CPSF3: variants seen among roughly 807,000 people sequenced by gnomAD.
The protein encoded by CPSF3 is cleavage and polyadenylation specificity factor subunit 3.
In CPSF3, 57 loss-of-function variants were observed where a neutral mutation model predicts 84.1. The ratio of observed to expected loss-of-function variants is 0.68; its 90% CI spans 0.55 to 0.85. The LOEUF is 0.85. CPSF3 is among the 40% of genes least tolerant of loss of function. The pLI, the probability that CPSF3 is intolerant of heterozygous loss-of-function variation, is 0.00. For missense variants in CPSF3, 522 were observed against 838.8 expected (o/e 0.62, Z 4.66); for synonymous variants, 275 against 278.1 (o/e 0.99, Z 0.11).
intron 11 of CPSF3, among the ~76,000 whole-genome samples, chr2:9,448,802 AC>A (rs1477856262): frequency 3.3e-5 from 5 of 151,876 alleles, no homozygotes; most frequent in African/African-American, 1.2e-4. Context: ...TGATCCACCC[AC>A]CTCCGCCTCC....
At chr2:9,451,341 A>G (rs1681322341) in intron 11 of CPSF3, among the ~76,000 whole-genome samples, 1 of 152,334 alleles carries the variant, frequency 6.6e-6, no homozygotes, top group East Asian at 1.9e-4. Flanking sequence ...GTTTATAATT[A>G]TGAGAACAAA....
intron 15 of CPSF3, among the ~76,000 whole-genome samples, chr2:9,466,308 A>C (rs1681942565): frequency 9.2e-6 from 1 of 108,154 alleles, no homozygotes; most frequent in Non-Finnish European, 2.3e-5. Flanking sequence ...ATGCACACGC[A>C]CACTGACGCA....
intron 7 of CPSF3, among the ~76,000 whole-genome samples, chr2:9,436,797 G>A (rs972398567): frequency 2.8e-5 from 2 of 70,848 alleles, no homozygotes; most frequent in African/African-American, 1.2e-4. Context: ...AATAATAATA[G>A]GGATTTGGAT....
intron 11 of CPSF3, 128 bp from the exon 12 acceptor site, chr2:9,452,785 G>A: frequency 1.6e-6 from 1 of 635,204 alleles, no homozygotes; most frequent in Non-Finnish European, 2.8e-6. Context: ...TGTTTTTCGT[G>A]GTTAAATCCA....
chr2:9,467,758 G>C lies in CPSF3; in HGVS notation c.1838G>C (p.Arg613Thr), dbSNP rs776096404. Reference protein sequence around the residue: ...KKLEMHVYSKRLEIMLQDIFG... With the variant: ...KKLEMHVYSKTLEIMLQDIFG... Reference sequence around the variant, plus strand: ...TTAGAAATGCACGTTTACAGCAAGAGGTTGGAGATCATGCTCCAGTAAGTT... The same window carrying C: ...TTAGAAATGCACGTTTACAGCAAGACGTTGGAGATCATGCTCCAGTAAGTT... The change falls in exon 16 of 18, where the codon AGG becomes ACG. Residue 613 changes from arginine (R) to threonine (T), a missense_variant. By Grantham distance (71) the Arg-to-Thr change is moderately conservative. Around this residue, in one of 2 missense-constraint regions of CPSF3, gnomAD observed 193 missense variants for 231.6 expected, o/e 0.83. Transcript: ENST00000238112. 5.0e-6 allele frequency: 8 copies of C among 1,612,864 alleles called. No individual in the cohort carries two copies. Among genetic ancestry groups the C allele is most frequent in the Non-Finnish European group, 6.8e-6 (8 of 1,179,144 alleles).
chr2:9,443,826 T>C lies in CPSF3; in HGVS notation c.1242+165T>C, dbSNP rs901403684. On this transcript the variant is annotated intron_variant, in intron 10 of 17. Coordinates refer to ENST00000238112, the MANE Select transcript of CPSF3 (RefSeq NM_016207.4). Reference sequence around the variant, plus strand: ...GGATTTGGCCTTTACAACTCCCCTTTGATTTCAGCAAGCTGCCCCCTTTCT... The same window carrying C: ...GGATTTGGCCTTTACAACTCCCCTTCGATTTCAGCAAGCTGCCCCCTTTCT... Among the ~76,000 whole-genome samples, 5 of 152,144 alleles carry C rather than the reference T, an allele frequency of 3.3e-5. No homozygotes were observed. In the South Asian group the frequency reaches 6.2e-4, roughly 19 times the overall value.
chr2:9,424,425 G>A (rs1380605471), intron 1 of CPSF3: 1 of 218,332 alleles, frequency 4.6e-6, no homozygotes, highest in Non-Finnish European at 7.8e-6. Flanking sequence ...TCCATAAGGA[G>A]AGTGGCCTTT....
intron 15 of CPSF3, among the ~76,000 whole-genome samples, chr2:9,462,166 T>A (rs185740589): frequency 6.6e-6 from 1 of 152,194 alleles, no homozygotes; most frequent in African/African-American, 2.4e-5. Flanking sequence ...CCCAGGGCTT[T>A]GGGCCACGCA....
intron 7 of CPSF3, among the ~76,000 whole-genome samples, chr2:9,438,954 A>AT (rs950806668): frequency 6.6e-6 from 1 of 152,164 alleles, no homozygotes; most frequent in Non-Finnish European, 1.5e-5. Flanking sequence ...TGGGCAAATT[A>AT]TTTAACTTTT....
intron 11 of CPSF3, 73 bp downstream of exon 11, chr2:9,448,423 A>T: frequency 8.3e-7 from 1 of 1,207,396 alleles, no homozygotes; most frequent in South Asian, 1.8e-5. Flanking sequence ...TTAAGAAAAT[A>T]GATCTTTAGT....
chr2:9,442,367 A>G (rs1015568635), intron 9 of CPSF3, among the ~76,000 whole-genome samples: 7 of 152,226 alleles, frequency 4.6e-5, no homozygotes, highest in African/African-American at 1.7e-4. Context: ...ATTATGAAAC[A>G]TTGATTTTCA....
intron 1 of CPSF3, chr2:9,424,437 A>G (rs1338456682): frequency 1.1e-5 from 2 of 179,202 alleles, no homozygotes; most frequent in African/African-American, 4.8e-5. Context: ...GTGGCCTTTC[A>G]GTGGACACGA....
intron 15 of CPSF3, among the ~76,000 whole-genome samples, chr2:9,466,364 GCA>G (rs1366487851): frequency 1.2e-4 from 17 of 137,854 alleles, no homozygotes; most frequent in Admixed American, 7.9e-4. Flanking sequence ...ACACACACAC[GCA>G]CACACCCACG....
At chr2:9,470,639 A>G (rs1012584281) in intron 16 of CPSF3, among the ~76,000 whole-genome samples, 5 of 152,368 alleles carry the variant, frequency 3.3e-5, no homozygotes, top group African/African-American at 1.2e-4. Flanking sequence ...GTAGGAGTGC[A>G]CAGCTAGTGG....
At chr2:9,441,598 C>A in intron 8 of CPSF3, 2 of 507,712 alleles carry the variant, frequency 3.9e-6, no homozygotes, top group South Asian at 2.5e-5. Context: ...TTTTGAAGAT[C>A]GGGGTGAACT....
chr2:9,463,040 C>T (rs1454766477), intron 15 of CPSF3, among the ~76,000 whole-genome samples: 1 of 152,232 alleles, frequency 6.6e-6, no homozygotes, highest in Non-Finnish European at 1.5e-5. Flanking sequence ...CCCCAGCAGG[C>T]ATGCCTCAAA....
At chr2:9,435,802 G>A (rs1004473305) in intron 6 of CPSF3, among the ~76,000 whole-genome samples, 1 of 151,854 alleles carries the variant, frequency 6.6e-6, no homozygotes, top group Non-Finnish European at 1.5e-5. Context: ...GTGCGATCTC[G>A]GCTCACTGCA....
Position 9,436,233 on chromosome 2 carries a change from T to G in CPSF3, c.632T>G (p.Ile211Ser). ...LIIESTYGTH[I>S]HEKREEREAR... Reference sequence around the variant, plus strand: ...TAGGAATCTACTTATGGGACCCATATCCATGAGAAACGTGAAGAGCGAGAA... The same window carrying G: ...TAGGAATCTACTTATGGGACCCATAGCCATGAGAAACGTGAAGAGCGAGAA... The change falls in exon 7 of 18, where the codon ATC (isoleucine) becomes AGC (serine). Residue 211 changes from isoleucine to serine, a missense_variant. Coordinates refer to ENST00000238112, the MANE Select transcript of CPSF3 (RefSeq NM_016207.4). The G allele has an allele frequency of 6.2e-7, 1 of 1,609,812 alleles. No individual in the cohort carries two copies. Among genetic ancestry groups the G allele is most frequent in the Non-Finnish European group, 8.5e-7 (1 of 1,178,076 alleles).
intron 9 of CPSF3, 25 bp downstream of exon 9, chr2:9,442,001 T>C (rs756380124): frequency 1.9e-6 from 3 of 1,608,454 alleles, no homozygotes; most frequent in South Asian, 2.2e-5. Flanking sequence ...TAGGCTGTTG[T>C]GTTATTCCTA....
Sources: gnomAD v4.1 joint callset for allele counts (sites outside exome capture counted in the v4.1 genomes callset) on GRCh38, gnomAD v4.1.1 for gene constraint, gnomAD v4.1.1 regional missense constraint, MANE v1.5 for transcripts, NCBI Gene and HGNC (gene_info 2026-07-23, HGNC 2026-07-21) for gene names.